KIRREL3: variants seen among roughly 807,000 people sequenced by gnomAD.
KIRREL3 encodes the protein kin of IRRE-like protein 3.
KIRREL3 carries 36 observed loss-of-function variants against 89.7 expected under a neutral mutation model. That is an observed-to-expected ratio of 0.40 (90% CI 0.31 to 0.53). KIRREL3 has a LOEUF of 0.53. Ranked by LOEUF, KIRREL3 falls within the 20% of genes least tolerant of loss-of-function variation. The probability of loss-of-function intolerance (pLI) is 0.49; values close to 1 mark genes in which losing one functional copy is unlikely to be tolerated. For synonymous variants in KIRREL3, 445 were observed against 441.4 expected, an observed-to-expected ratio of 1.01 and a Z score of -0.10; for missense variants, 864 against 1,056.6, an observed-to-expected ratio of 0.82 and a Z score of 2.53.
chr11:126,552,550 G>GTATTTTT (rs201214323), intron 2 of KIRREL3, among the ~76,000 whole-genome samples: 44 of 81,760 alleles, frequency 5.4e-4, no homozygotes, highest in African/African-American at 1.8e-3. Flanking sequence ...AGAGAGAAAA[G>GTATTTTT]TTTTTTTTTT....
chr11:126,424,827 A>G lies in KIRREL3; in HGVS notation c.2090T>C (p.Leu697Pro). Reference protein sequence around the residue: ...RLYDYGQRFVLGMGSSSIELC... With the variant: ...RLYDYGQRFVPGMGSSSIELC... The stretch of plus-strand genomic sequence containing the variant: ...CTCGATGGACGAGCTGCCCATGCCC[A>G]GCACAAACCGCTGCCCGTAGTCGTA... Residue 697 changes from leucine to proline, a missense_variant, in exon 17 of 17, where the codon CTG becomes CCG. Leu to Pro is a moderately conservative substitution (Grantham distance 98). Transcript: ENST00000525144. 1 of 1,614,042 alleles carries G rather than the reference A, an allele frequency of 6.2e-7. No individual in the cohort carries two copies. The highest frequency in any genetic ancestry group is 8.5e-7 in the Non-Finnish European group (1 of 1,179,906).
rs1592073414 is a variant in KIRREL3, at chr11:126,752,206, T to C, written c.56-189294A>G. Among the ~76,000 whole-genome samples, 1 of 102,230 alleles carries C rather than the reference T, an allele frequency of 9.8e-6. No individual in the cohort carries two copies. The highest frequency in any genetic ancestry group is 2.2e-5 in the Non-Finnish European group (1 of 44,452). 67.1% of individuals were successfully genotyped at this position (102,230 alleles called of 152,430 possible). A position where few individuals can be genotyped will look rare whatever the true frequency, so the allele number is the denominator to read the frequency against. On this transcript the variant is annotated intron_variant, in intron 1 of 16. Coordinates refer to ENST00000525144, the MANE Select transcript of KIRREL3 (RefSeq NM_032531.4). The surrounding 1 kb of genome is among the most constrained non-coding windows in gnomAD (Gnocchi z 4.8). ...ATTTCCCAGGCTCAGCGTGGGTTGG[T>C]TGGGGGGGTTTCTTGAAGCATTGTA... is the stretch of plus-strand genomic sequence containing the variant.
rs1422089931 is a variant in KIRREL3 at position 126,544,131 on chromosome 11, A to G, written c.134-17444T>C. On this transcript the variant is annotated intron_variant, in intron 2 of 16. Coordinates refer to ENST00000525144, the MANE Select transcript of KIRREL3 (RefSeq NM_032531.4). This position sits in a 1 kb window ranked among gnomAD's most constrained non-coding sequence, Gnocchi z 5.6. ...TAATAAGAGAGTTACTCATGGCTTC[A>G]CTGGAGAGAAGAGAGCAGCTTTCAA... 1 of 152,218 alleles carries G rather than the reference A, an allele frequency of 6.6e-6. No individual in the cohort carries two copies. The highest frequency in any genetic ancestry group is 1.5e-5 in the Non-Finnish European group (1 of 68,042). The allele number at this position is 152,218 out of a possible 1,614,324, so 9.4% of individuals were successfully genotyped here.
chr11:126,704,001 C>G lies in KIRREL3; in HGVS notation c.56-141089G>C, dbSNP rs141792563. Among the ~76,000 whole-genome samples the G allele has an allele frequency of 4.1e-4, 63 of 152,342 alleles. 1 individual carries two copies. The East Asian group carries it at 9.6e-3, about 23-fold the overall frequency. On this transcript the variant is annotated intron_variant, in intron 1 of 16. Coordinates refer to ENST00000525144, the MANE Select transcript of KIRREL3 (RefSeq NM_032531.4). This position sits in a 1 kb window ranked among gnomAD's most constrained non-coding sequence, Gnocchi z 4.2. ...AACTCACTCTCTGGAATCACTGCGC[C>G]CATCTTTTCAGAGATGTTGCTACCA...
At chr11:126,548,790 C>A (rs1361645717) in intron 2 of KIRREL3, among the ~76,000 whole-genome samples, 1 of 152,216 alleles carries the variant, frequency 6.6e-6, no homozygotes, top group Non-Finnish European at 1.5e-5. Context: ...GCCATAGGAA[C>A]AGCGCAGGGG....
chr11:126,950,758 T>C (rs533526496), intron 1 of KIRREL3, among the ~76,000 whole-genome samples: 192 of 152,212 alleles, frequency 1.3e-3, no homozygotes, highest in Non-Finnish European at 9.4e-4. Flanking sequence ...CTGGGGATTC[T>C]GGAATGCTAG....
intron 1 of KIRREL3, among the ~76,000 whole-genome samples, chr11:126,737,435 C>T (rs950666384): frequency 1.1e-4 from 17 of 152,010 alleles, no homozygotes; most frequent in African/African-American, 4.1e-4. Flanking sequence ...GCAGTCTCCA[C>T]AGTCCTGGGG....
intron 1 of KIRREL3, among the ~76,000 whole-genome samples, chr11:126,770,596 G>A (rs1196811492): frequency 2.0e-5 from 3 of 152,202 alleles, no homozygotes; most frequent in Non-Finnish European, 2.9e-5. Flanking sequence ...GAGGCGGCCT[G>A]TTATGCACAG....
Position 126,513,299 on chromosome 11 carries a change from C to T in KIRREL3, c.433+8016G>A, listed in dbSNP as rs1354697343. Among the ~76,000 whole-genome samples the T allele has an allele frequency of 6.6e-6, 1 of 152,120 alleles. No homozygotes were observed. Among genetic ancestry groups the T allele is most frequent in the East Asian group, 1.9e-4 (1 of 5,184 alleles). On this transcript the variant is annotated intron_variant, in intron 4 of 16. Coordinates refer to ENST00000525144, the MANE Select transcript of KIRREL3 (RefSeq NM_032531.4). This position sits in a 1 kb window ranked among gnomAD's most constrained non-coding sequence, Gnocchi z 5.9. ...CTGGGCATGGTCATTTGGGAAGCTA[C>T]CCCCAGATTTCAGTGGCGAGTGGGC...
In KIRREL3 at chr11:126,521,558, A is replaced by G. The variant is rs1375098701; in HGVS notation, c.284-94T>C. 57 of 1,111,346 alleles carry G rather than the reference A, an allele frequency of 5.1e-5. No homozygotes were observed. In the South Asian group the frequency reaches 7.3e-4, roughly 14 times the overall value. The allele number at this position is 1,111,346 out of a possible 1,614,324, so 68.8% of individuals were successfully genotyped here. ...AGAATGGAGGACCCAAGCAGGGGCC[A>G]TTCTACAAGGCTGGCAGAGCGGGTG... On this transcript the variant is annotated intron_variant, in intron 3 of 16. Transcript: ENST00000525144. This position sits in a 1 kb window ranked among gnomAD's most constrained non-coding sequence, Gnocchi z 4.1.
intron 1 of KIRREL3, among the ~76,000 whole-genome samples, chr11:126,787,604 A>T (rs192970548): frequency 5.6e-4 from 85 of 152,282 alleles, no homozygotes; most frequent in Middle Eastern, 6.8e-3. Context: ...ATGAATGTAA[A>T]TGTTCTTTCA....
chr11:126,985,133 G>A lies in KIRREL3; in HGVS notation c.55+15322C>T, dbSNP rs1423517707. Among the ~76,000 whole-genome samples, 1 of 152,064 alleles carries A rather than the reference G, an allele frequency of 6.6e-6. No homozygotes were observed. Among genetic ancestry groups the A allele is most frequent in the African/African-American group, 2.4e-5 (1 of 41,390 alleles). On this transcript the variant is annotated intron_variant, in intron 1 of 16. Transcript: ENST00000525144. The surrounding 1 kb of genome is among the most constrained non-coding windows in gnomAD (Gnocchi z 5.3). The stretch of plus-strand genomic sequence containing the variant: ...CCCAAGGAGGACTCGGTGCTCATAG[G>A]TACTCGAGTTGTACAAGGCAATAAT...
At chr11:126,923,126 CTTCTCTTCT>C in intron 1 of KIRREL3, among the ~76,000 whole-genome samples, 1 of 43,254 alleles carries the variant, frequency 2.3e-5, no homozygotes, top group East Asian at 2.9e-4. Flanking sequence ...CCTTCTCCTT[CTTCTCTTCT>C]TCTTCTTCTT....
In KIRREL3 at chr11:126,993,539, T is replaced by C. The variant is rs1189788013; in HGVS notation, c.55+6916A>G. On this transcript the variant is annotated intron_variant, in intron 1 of 16. Transcript: ENST00000525144. The surrounding 1 kb of genome is among the most constrained non-coding windows in gnomAD (Gnocchi z 6.1). ...GCTGATCCACCTGTTTTCAGAACAC[T>C]CTGACAGCTCTGAACCCATCATATT... Among the ~76,000 whole-genome samples, 1 of 152,198 alleles carries C rather than the reference T, an allele frequency of 6.6e-6. No individual in the cohort carries two copies. The highest frequency in any genetic ancestry group is 6.5e-5 in the Admixed American group (1 of 15,278).
At position 126,578,549 on chromosome 11, in the gene KIRREL3, T is replaced by C. The variant is rs1413530551; in HGVS notation, c.56-15637A>G. Among the ~76,000 whole-genome samples the C allele has an allele frequency of 1.3e-5, 2 of 152,136 alleles. No homozygotes were observed. The highest frequency in any genetic ancestry group is 4.8e-5 in the African/African-American group (2 of 41,426). On this transcript the variant is annotated intron_variant, in intron 1 of 16. Coordinates refer to ENST00000525144, the MANE Select transcript of KIRREL3 (RefSeq NM_032531.4). The surrounding 1 kb of genome is among the most constrained non-coding windows in gnomAD (Gnocchi z 4.9). ...TGGCGTGTCCCTGTGGGTGGACACA[T>C]TGTGAACAGTAAGTATCATGAATGT...
At position 126,445,241 on chromosome 11, in the gene KIRREL3, A is replaced by G. The variant is rs185722624; in HGVS notation, c.1126-136T>C. 1.1e-3 allele frequency: 1,294 copies of G among 1,190,922 alleles called. 15 individuals carry two copies. In the African/African-American group the frequency reaches 0.016, roughly 14 times the overall value. The allele number at this position is 1,190,922 out of a possible 1,614,324, so 73.8% of individuals were successfully genotyped here. A position where few individuals can be genotyped will look rare whatever the true frequency, so the allele number is the denominator to read the frequency against. The stretch of plus-strand genomic sequence containing the variant: ...CATCTCAGTAGGAAGCAAGGTGGGG[A>G]GGAAAGAGGCCAAAAGTTTCCTGGC... On this transcript the variant is annotated intron_variant, in intron 9 of 16. Transcript: ENST00000525144.
At position 126,897,359 on chromosome 11, in the gene KIRREL3, ATTTAAC is replaced by A. The variant is rs777538710; in HGVS notation, c.55+103090_55+103095del. Among the ~76,000 whole-genome samples, 3 of 152,066 alleles carry A rather than the reference ATTTAAC, an allele frequency of 2.0e-5. No homozygotes were observed. Among genetic ancestry groups the A allele is most frequent in the Non-Finnish European group, 2.9e-5 (2 of 68,022 alleles). On this transcript the variant is annotated intron_variant, in intron 1 of 16. Transcript: ENST00000525144. This position sits in a 1 kb window ranked among gnomAD's most constrained non-coding sequence, Gnocchi z 4.2. ...TTTAGGACAGGCTTCCCTTTAAGGT[ATTTAAC>A]TTTATAGAAAATGGAAAGCCTTCCC...
intron 8 of KIRREL3, among the ~76,000 whole-genome samples, chr11:126,448,295 AAAAAAAG>A (rs933043826): frequency 6.6e-6 from 1 of 151,464 alleles, no homozygotes; most frequent in Non-Finnish European, 1.5e-5. Context: ...AAAAAAAAAA[AAAAAAAG>A]AAATAAAAAG....
rs912112974 is a variant in KIRREL3, at chr11:126,999,675, C to T, written c.55+780G>A. ...CACTCACATTCCCTCTCCCGAATTT[C>T]CCTCTCCTTTCTGCACCACTACCAG... On this transcript the variant is annotated intron_variant, in intron 1 of 16. Coordinates refer to ENST00000525144, the MANE Select transcript of KIRREL3 (RefSeq NM_032531.4). This position sits in a 1 kb window ranked among gnomAD's most constrained non-coding sequence, Gnocchi z 5.7. 6.6e-6 allele frequency among the ~76,000 whole-genome samples: 1 copy of T among 152,200 alleles called. No homozygotes were observed. Among genetic ancestry groups the T allele is most frequent in the Non-Finnish European group, 1.5e-5 (1 of 68,038 alleles).
Sources: allele counts gnomAD v4.1 joint callset (sites outside exome capture counted in the v4.1 genomes callset), GRCh38; gene constraint gnomAD v4.1.1; non-coding constraint Gnocchi (gnomAD v3.1); transcripts MANE v1.5; gene names NCBI Gene and HGNC (gene_info 2026-07-23, HGNC 2026-07-21).